The following SAMD5 variants were observed in gnomAD, a reference collection of about 807,000 sequenced individuals.
SAMD5 encodes sterile alpha motif domain containing 5.
In SAMD5, 13 loss-of-function variants were observed where a neutral mutation model predicts 11.3. That is an observed-to-expected ratio of 1.15 (90% confidence interval 0.75 to 1.83). The LOEUF is 1.83. Ranked by LOEUF, SAMD5 falls within the 40% of genes most tolerant of loss-of-function variation. The pLI, the probability that SAMD5 is intolerant of heterozygous loss-of-function variation, is 0.00. For missense variants in SAMD5, 255 were observed against 239.1 expected (o/e 1.07, Z -0.44); for synonymous variants, 129 against 111.3 (o/e 1.16, Z -1.00).
intron 1 of SAMD5, among the ~76,000 whole-genome samples, chr6:147,646,034 C>CTATG (rs1227500158): frequency 7.8e-5 from 7 of 89,540 alleles, no homozygotes; most frequent in Admixed American, 1.8e-4. Flanking sequence ...ATGTATCTAT[C>CTATG]TATCTATCTA....
the SAMD5 span, among the ~76,000 whole-genome samples, chr6:147,837,018 A>G: frequency 8.2e-3 from 1,243 of 152,374 alleles, 17 homozygotes; most frequent in African/African-American, 0.028. Context: ...TATAAAAAAC[A>G]TATACCACAA....
intron 1 of SAMD5, among the ~76,000 whole-genome samples, chr6:147,653,062 TTC>T (rs1303576304): frequency 2.0e-5 from 3 of 152,156 alleles, no homozygotes; most frequent in Non-Finnish European, 2.9e-5. Flanking sequence ...TAAATATACT[TTC>T]TGAGTAGTCC....
At chr6:147,795,650 C>A in the SAMD5 span, among the ~76,000 whole-genome samples, 1 of 150,786 alleles carries the variant, frequency 6.6e-6, no homozygotes, top group Non-Finnish European at 1.5e-5. Context: ...CACTGTCTTC[C>A]ACAATGGTTG....
At chr6:147,903,478 A>C in the SAMD5 span, among the ~76,000 whole-genome samples, 1 of 152,220 alleles carries the variant, frequency 6.6e-6, no homozygotes, top group East Asian at 1.9e-4. Context: ...TGCATGGCCA[A>C]TGGCATCGTC....
intron 1 of SAMD5, among the ~76,000 whole-genome samples, chr6:147,555,184 G>C (rs1035535193): frequency 1.3e-5 from 2 of 152,168 alleles, no homozygotes; most frequent in Non-Finnish European, 2.9e-5. Context: ...GTAACAAAAT[G>C]AGAACTACTC....
At chr6:147,738,049 A>G (rs1476933617), downstream of SAMD5, among the ~76,000 whole-genome samples, 2 of 152,174 alleles carry the variant, frequency 1.3e-5, no homozygotes. Flanking sequence ...CAAAAACATG[A>G]GAAGCAAGGC....
At chr6:147,715,194 G>T (rs1397033041) in intron 1 of SAMD5, among the ~76,000 whole-genome samples, 4 of 152,150 alleles carry the variant, frequency 2.6e-5, no homozygotes, top group Non-Finnish European at 5.9e-5. Context: ...CCACCCTCTT[G>T]GCTTGGCAGG....
At chr6:147,933,345 G>C in the SAMD5 span, among the ~76,000 whole-genome samples, 1 of 152,190 alleles carries the variant, frequency 6.6e-6, no homozygotes. Context: ...AATGTAGAAA[G>C]AAGATAGGAG....
the SAMD5 span, among the ~76,000 whole-genome samples, chr6:147,927,000 C>T: frequency 6.6e-6 from 1 of 152,026 alleles, no homozygotes; most frequent in South Asian, 2.1e-4. Flanking sequence ...TTTCTGGGTC[C>T]TCTATTCTGT....
At position 147,704,196 on chromosome 6, in the gene SAMD5, T is replaced by G. The variant is rs553464608; in HGVS notation, c.163-33121T>G. Among the ~76,000 whole-genome samples the G allele has an allele frequency of 3.3e-5, 5 of 152,252 alleles. No homozygotes were observed. The South Asian group carries it at 8.3e-4, about 25-fold the overall frequency. ...AGGCGTGAGCCACTGCGCCTGGCCA[T>G]TATTTTAAACCCTTTAGTTGAAACA... On this transcript the variant is annotated intron_variant, in intron 1 of 1. Coordinates refer to the SAMD5 transcript ENST00000566741.
chr6:147,519,477 A>T (rs1788219900), intron 1 of SAMD5, among the ~76,000 whole-genome samples: 1 of 152,248 alleles, frequency 6.6e-6, no homozygotes, highest in Non-Finnish European at 1.5e-5. Context: ...CTCAAGCATT[A>T]TACCTTGCAG....
rs10484688 is a variant in SAMD5 at position 147,587,711 on chromosome 6, C to G, written c.162+78324C>G. 3.9e-3 allele frequency among the ~76,000 whole-genome samples: 589 copies of G among 152,268 alleles called. 25 individuals are homozygous for G. In the East Asian group the frequency reaches 0.081, roughly 21 times the overall value. Reference sequence around the variant, plus strand: ...GGCTGGTGAATTTACTATAGAGTTACTTTTTCTCCTGCAGCAGTTTCAAGA... The same window carrying G: ...GGCTGGTGAATTTACTATAGAGTTAGTTTTTCTCCTGCAGCAGTTTCAAGA... On this transcript the variant is annotated intron_variant, in intron 1 of 1. Transcript: ENST00000566741.
the SAMD5 span, among the ~76,000 whole-genome samples, chr6:147,742,753 C>A: frequency 6.6e-6 from 1 of 152,074 alleles, no homozygotes; most frequent in Non-Finnish European, 1.5e-5. Context: ...TCCTTGATCA[C>A]CTCTGCAGGG....
At chr6:147,724,222 G>A (rs1343775759) in intron 1 of SAMD5, among the ~76,000 whole-genome samples, 2 of 152,158 alleles carry the variant, frequency 1.3e-5, no homozygotes, top group East Asian at 1.9e-4. Context: ...CCTCCTCAAC[G>A]GTTCAAGCGA....
intron 1 of SAMD5, among the ~76,000 whole-genome samples, chr6:147,662,318 G>A (rs1355428070): frequency 6.6e-6 from 1 of 152,190 alleles, no homozygotes; most frequent in Admixed American, 6.5e-5. Flanking sequence ...TTCAGAGATG[G>A]ATGCTCCAAG....
the SAMD5 span, among the ~76,000 whole-genome samples, chr6:147,805,213 T>C: frequency 6.6e-6 from 1 of 152,350 alleles, no homozygotes; most frequent in Non-Finnish European, 1.5e-5. Context: ...ATTAAGAATT[T>C]TCTTGTGCTT....
chr6:147,669,156 C>T (rs562313478), intron 1 of SAMD5, among the ~76,000 whole-genome samples: 1 of 152,234 alleles, frequency 6.6e-6, no homozygotes, highest in Admixed American at 6.5e-5. Context: ...GCATGTGATG[C>T]TATGTGATAG....
chr6:147,587,702 A>G (rs1476011519), intron 1 of SAMD5, among the ~76,000 whole-genome samples: 1 of 152,174 alleles, frequency 6.6e-6, no homozygotes, highest in African/African-American at 2.4e-5. Flanking sequence ...TGAATTTACT[A>G]TAGAGTTACT....
At chr6:147,834,025 T>C in the SAMD5 span, among the ~76,000 whole-genome samples, 1 of 152,244 alleles carries the variant, frequency 6.6e-6, no homozygotes, top group Non-Finnish European at 1.5e-5. Flanking sequence ...AAGACTTCCT[T>C]TGCGTTTACA....
Sources: gnomAD v4.1 joint callset for allele counts (sites outside exome capture counted in the v4.1 genomes callset) on GRCh38, gnomAD v4.1.1 for gene constraint, MANE v1.5 for transcripts, NCBI Gene and HGNC (gene_info 2026-07-23, HGNC 2026-07-21) for gene names.